IGF2BP3: variants seen among roughly 807,000 people sequenced by gnomAD.
IGF2BP3 encodes insulin-like growth factor 2 mRNA-binding protein 3.
A neutral mutation model predicts 73.8 loss-of-function variants in IGF2BP3; 9 were observed. That is an observed-to-expected ratio of 0.12 (90% CI 0.07 to 0.21). IGF2BP3 has a LOEUF of 0.21. Among genes scored for constraint, IGF2BP3 ranks in the 10% least tolerant of loss-of-function variants. The pLI, the probability that IGF2BP3 is intolerant of heterozygous loss-of-function variation, is 1.00. For missense variants in IGF2BP3, 542 were observed against 714.0 expected, an observed-to-expected ratio of 0.76 and a Z score of 2.75; for synonymous variants, 258 against 256.7, an observed-to-expected ratio of 1.01 and a Z score of -0.05.
intron 3 of IGF2BP3, among the ~76,000 whole-genome samples, chr7:23,407,007 A>C (rs200136684): frequency 1.3e-5 from 2 of 152,124 alleles, no homozygotes; most frequent in African/African-American, 4.8e-5. Context: ...AGTTATTAGA[A>C]ATCAATAAAA....
At chr7:23,353,616 G>A (rs942579237) in intron 5 of IGF2BP3, among the ~76,000 whole-genome samples, 6 of 152,120 alleles carry the variant, frequency 3.9e-5, no homozygotes, top group South Asian at 2.1e-4. Flanking sequence ...ATTCATATTC[G>A]GTTCCTTCAT....
At chr7:23,403,202 C>T (rs908419574) in intron 3 of IGF2BP3, among the ~76,000 whole-genome samples, 2 of 152,176 alleles carry the variant, frequency 1.3e-5, no homozygotes, top group African/African-American at 2.4e-5. Context: ...CTGCTTATCA[C>T]TAGAGAAAAC....
chr7:23,463,973 G>A (rs756297213), intron 2 of IGF2BP3, among the ~76,000 whole-genome samples: 3 of 152,186 alleles, frequency 2.0e-5, no homozygotes, highest in Non-Finnish European at 4.4e-5. Context: ...AGAACCTCAA[G>A]TCTCTGCATG....
rs534527170 is a variant in IGF2BP3, at chr7:23,451,547, T to C, written c.236+16935A>G. Among the ~76,000 whole-genome samples the C allele has an allele frequency of 3.3e-5, 5 of 151,960 alleles. No individual in the cohort carries two copies. In the East Asian group the frequency reaches 9.7e-4, roughly 29 times the overall value. On this transcript the variant is annotated intron_variant, in intron 2 of 14. Coordinates refer to ENST00000258729, the MANE Select transcript of IGF2BP3 (RefSeq NM_006547.3). Reference sequence around the variant, plus strand: ...AGGTGGAGGTTGCAGTGAGATGAGATTGCACCATTGAATTCCACCTTGAGC... The same window carrying C: ...AGGTGGAGGTTGCAGTGAGATGAGACTGCACCATTGAATTCCACCTTGAGC...
chr7:23,451,203 A>C (rs1327419025), intron 2 of IGF2BP3, among the ~76,000 whole-genome samples: 1 of 152,196 alleles, frequency 6.6e-6, no homozygotes, highest in Non-Finnish European at 1.5e-5. Context: ...GGATCACTTG[A>C]GGTCAGGGGT....
intron 10 of IGF2BP3, among the ~76,000 whole-genome samples, chr7:23,319,715 CAT>C (rs1223758726): frequency 6.6e-6 from 1 of 152,178 alleles, no homozygotes; most frequent in African/African-American, 2.4e-5. Flanking sequence ...TCCTTAAACA[CAT>C]ACACAGTGAA....
intron 6 of IGF2BP3, among the ~76,000 whole-genome samples, chr7:23,349,689 G>A (rs1332829066): frequency 6.6e-6 from 1 of 152,104 alleles, no homozygotes; most frequent in Non-Finnish European, 1.5e-5. Context: ...TAAATCCACT[G>A]GCAGAGCTCT....
chr7:23,317,808 A>C, intron 11 of IGF2BP3, 95 bp from the exon 12 acceptor site: 1 of 995,788 alleles, frequency 1.0e-6, no homozygotes, highest in Non-Finnish European at 1.6e-6. Flanking sequence ...GACTGGCTGA[A>C]ATGCAGAATT....
At chr7:23,344,190 GA>G (rs1206630999) in intron 8 of IGF2BP3, among the ~76,000 whole-genome samples, 1 of 152,148 alleles carries the variant, frequency 6.6e-6, no homozygotes, top group African/African-American at 2.4e-5. Context: ...AAAATGACTG[GA>G]AAGATGTATA....
At chr7:23,411,685 G>C (rs1259748052) in intron 3 of IGF2BP3, among the ~76,000 whole-genome samples, 4 of 152,176 alleles carry the variant, frequency 2.6e-5, no homozygotes. Context: ...ACAATCAGCA[G>C]TTGGACAGAA....
chr7:23,381,485 G>A (rs1785908632), intron 3 of IGF2BP3, among the ~76,000 whole-genome samples: 1 of 152,136 alleles, frequency 6.6e-6, no homozygotes, highest in Non-Finnish European at 1.5e-5. Flanking sequence ...TGGTTGACAG[G>A]TACATGAGGA....
intron 2 of IGF2BP3, among the ~76,000 whole-genome samples, chr7:23,465,265 G>A (rs1285940427): frequency 6.6e-6 from 1 of 152,156 alleles, no homozygotes; most frequent in African/African-American, 2.4e-5. Context: ...CTATACTTCG[G>A]AGTCAAAGTC....
chr7:23,403,975 T>TAGA (rs1562730609), intron 3 of IGF2BP3, among the ~76,000 whole-genome samples: 42 of 141,092 alleles, frequency 3.0e-4, no homozygotes, highest in African/African-American at 1.2e-3. Flanking sequence ...AAAAAAAAAT[T>TAGA]TTTTTTTTTT....
At chr7:23,315,953 TACAA>T (rs1783978061) in intron 12 of IGF2BP3, among the ~76,000 whole-genome samples, 1 of 152,228 alleles carries the variant, frequency 6.6e-6, no homozygotes, top group Admixed American at 6.5e-5. Flanking sequence ...GTTCCTATCA[TACAA>T]ACATCATAGG....
rs181342545 is a variant in IGF2BP3, at chr7:23,397,255, G to A, written c.285+21521C>T. ...TGTCTTGTGCAGCAAATTCTCCTCC[G>A]GCACATAGTAGGCACTCTGATAAAT... On this transcript the variant is annotated intron_variant, in intron 3 of 14. Transcript: ENST00000258729. Among the ~76,000 whole-genome samples the A allele has an allele frequency of 6.6e-5, 10 of 152,298 alleles. No individual in the cohort carries two copies. In the East Asian group the frequency reaches 9.6e-4, roughly 15 times the overall value.
chr7:23,392,508 A>T (rs1345274380), intron 3 of IGF2BP3, among the ~76,000 whole-genome samples: 1 of 147,310 alleles, frequency 6.8e-6, no homozygotes, highest in Non-Finnish European at 1.5e-5. Context: ...ACATATGCAC[A>T]TATATATACA....
At chr7:23,356,823 A>G (rs1785107288) in intron 5 of IGF2BP3, among the ~76,000 whole-genome samples, 2 of 152,214 alleles carry the variant, frequency 1.3e-5, no homozygotes, top group South Asian at 4.1e-4. Flanking sequence ...GTAAGGCTTC[A>G]TGACTAAATT....
Position 23,460,128 on chromosome 7 carries a change from C to G in IGF2BP3, c.236+8354G>C, listed in dbSNP as rs150943259. ...TGTGCCTGTAGGTGCCTGTAGTCTA[C>G]ACCTGTGATCACTGCACTCCAGCCT... On this transcript the variant is annotated intron_variant, in intron 2 of 14. Coordinates refer to ENST00000258729, the MANE Select transcript of IGF2BP3 (RefSeq NM_006547.3). 3.0e-3 allele frequency among the ~76,000 whole-genome samples: 410 copies of G among 138,092 alleles called. 3 individuals are homozygous for G. The highest frequency in any genetic ancestry group is 0.011 in the African/African-American group (391 of 36,770). 90.6% of individuals were successfully genotyped at this position (138,092 alleles called of 152,430 possible).
chr7:23,315,493 A>G (rs748661890), intron 12 of IGF2BP3, among the ~76,000 whole-genome samples: 6 of 152,164 alleles, frequency 3.9e-5, no homozygotes, highest in Non-Finnish European at 8.8e-5. Flanking sequence ...TAAACAACCT[A>G]TTACATACAG....
Sources: gnomAD v4.1 joint callset for allele counts (sites outside exome capture counted in the v4.1 genomes callset) on GRCh38, gnomAD v4.1.1 for gene constraint, MANE v1.5 for transcripts, NCBI Gene and HGNC (gene_info 2026-07-23, HGNC 2026-07-21) for gene names.